Variants in CRAT observed in about 807,000 individuals in gnomAD.
CRAT encodes carnitine O-acetyltransferase.
Under a neutral mutation model 73.7 loss-of-function variants are expected in CRAT, and 66 were observed. The observed-to-expected ratio is 0.90, with a 90% CI of 0.73 to 1.10. The LOEUF (loss-of-function observed/expected upper bound fraction) is 1.10. CRAT is among the 50% of genes least tolerant of loss of function. CRAT has a pLI of 0.00. For missense variants in CRAT, 745 were observed against 846.9 expected, an observed-to-expected ratio of 0.88 and a Z score of 1.49; for synonymous variants, 321 against 343.2, an observed-to-expected ratio of 0.94 and a Z score of 0.71.
chr9:129,105,585 G>C (rs968866812), intron 2 of CRAT, among the ~76,000 whole-genome samples: 1 of 152,146 alleles, frequency 6.6e-6, no homozygotes, highest in African/African-American at 2.4e-5. Flanking sequence ...GCTTCCCAAA[G>C]TGCTGGGATT....
chr9:129,109,391 T>C (rs1848236428), intron 1 of CRAT: 1 of 766,252 alleles, frequency 1.3e-6, no homozygotes. Flanking sequence ...GGGACCCATC[T>C]GAGCCATCCC....
At chr9:129,108,731 G>C (rs1848175729) in intron 1 of CRAT, 2 of 1,303,824 alleles carry the variant, frequency 1.5e-6, no homozygotes, top group African/African-American at 1.5e-5. Flanking sequence ...TCTTGCAGTG[G>C]GCAGGCGAGT....
intron 11 of CRAT, chr9:129,097,707 T>TAA (rs11397782): frequency 0.02 from 6,074 of 309,988 alleles, 1 homozygote; most frequent in South Asian, 0.031. Context: ...AGACTCTTTC[T>TAA]AAAAAAAAAC....
At chr9:129,096,985 T>C (rs1327198474) in intron 12 of CRAT, among the ~76,000 whole-genome samples, 2 of 151,780 alleles carry the variant, frequency 1.3e-5, no homozygotes, top group African/African-American at 2.4e-5. Flanking sequence ...GGAGAATTGC[T>C]TGAACCTGGG....
At chr9:129,101,149 TGA>T (rs1847648751) in intron 6 of CRAT, among the ~76,000 whole-genome samples, 1 of 152,190 alleles carries the variant, frequency 6.6e-6, no homozygotes, top group Admixed American at 6.5e-5. Context: ...GCTATTTAGC[TGA>T]GAGAAACTAC....
chr9:129,096,209 G>T, intron 12 of CRAT, 74 bp from the exon 13 acceptor site: 1 of 1,584,034 alleles, frequency 6.3e-7, no homozygotes, highest in Admixed American at 1.7e-5. Context: ...TCAGCCTGTG[G>T]CAGCGCCACC....
rs780305634 is a variant in CRAT at position 129,102,071 on chromosome 9, G to A, written c.631-14C>T. On this transcript the variant is annotated splice_polypyrimidine_tract_variant and intron_variant, in intron 5 of 13. Transcript: ENST00000318080. ...CAGCTCAAAAAACTGTTGGGGCACA[G>A]GCAGGTAAGAGGAGGGAGCTGAGTG... is the stretch of plus-strand genomic sequence containing the variant. 6.2e-7 allele frequency: 1 copy of A among 1,612,622 alleles called. No individual in the cohort carries two copies. Among genetic ancestry groups the A allele is most frequent in the South Asian group, 1.1e-5 (1 of 90,900 alleles).
At chr9:129,097,376 G>T in intron 11 of CRAT, 64 bp from the exon 12 acceptor site, 1 of 1,293,230 alleles carries the variant, frequency 7.7e-7, no homozygotes, top group Non-Finnish European at 1.1e-6. Context: ...CACCTCAGTA[G>T]CCCACCCCCA....
At position 129,102,447 on chromosome 9, in the gene CRAT, T is replaced by C. The variant is rs1398438963; in HGVS notation, c.583A>G (p.Lys195Glu). Reference sequence around the variant, plus strand: ...ATGTGCGTGGGAGGCTTCTTGGTCTTGCTGAAGTTGCTGACTGTGTCCTGC... The same window carrying C: ...ATGTGCGTGGGAGGCTTCTTGGTCTCGCTGAAGTTGCTGACTGTGTCCTGC... ...PKQDTVSNFS[K>E]TKKPPTHITV... The change falls in exon 5 of 14, where the codon AAG becomes GAG. Residue 195 changes from lysine (K) to glutamate (E), a missense_variant. Physicochemically the swap from Lys to Glu is moderately conservative, Grantham distance 56. Coordinates refer to ENST00000318080, the MANE Select transcript of CRAT (RefSeq NM_000755.5). 1 of 1,614,154 alleles carries C rather than the reference T, an allele frequency of 6.2e-7. No individual in the cohort carries two copies. Among genetic ancestry groups the C allele is most frequent in the Non-Finnish European group, 8.5e-7 (1 of 1,180,010 alleles).
At chr9:129,102,292 A>G (rs1446737785) in intron 5 of CRAT, 108 bp downstream of exon 5, 3 of 1,467,232 alleles carry the variant, frequency 2.0e-6, no homozygotes, top group African/African-American at 1.4e-5. Context: ...TTCCTGGGGC[A>G]CGTGGGCACG....
chr9:129,105,398 G>A (rs977945868), intron 2 of CRAT, among the ~76,000 whole-genome samples: 9 of 152,028 alleles, frequency 5.9e-5, no homozygotes, highest in African/African-American at 1.9e-4. Context: ...TCAGCTCACT[G>A]CAACCTCCAC....
In CRAT at chr9:129,110,755, G is replaced by A. The variant is rs1848392357; in HGVS notation, c.-246C>T. 3.5e-6 allele frequency: 2 copies of A among 570,342 alleles called. No individual in the cohort carries two copies. Among genetic ancestry groups the A allele is most frequent in the Non-Finnish European group, 5.8e-6 (2 of 344,422 alleles). 35.3% of individuals were successfully genotyped at this position (570,342 alleles called of 1,614,324 possible). A position where few individuals can be genotyped will look rare whatever the true frequency, so the allele number is the denominator to read the frequency against. On this transcript the variant is annotated 5_prime_UTR_variant, in exon 1 of 14. Transcript: ENST00000318080. This position sits in a 1 kb window ranked among gnomAD's most constrained non-coding sequence, Gnocchi z 5.3. The stretch of plus-strand genomic sequence containing the variant: ...CCTGGGCCGGTAGCGGGCCCCGGGC[G>A]GGCAACGGTGCCCGGGAGGTTGGCT...
Position 129,102,580 on chromosome 9 carries a change from G to C in CRAT, c.465-15C>G. On this transcript the variant is annotated splice_polypyrimidine_tract_variant and intron_variant, in intron 4 of 13. Transcript: ENST00000318080. ...GCAGGGTCTCGCTATGGGGTAGAGGGGCAGTGAGGCCACCACTGGGCAAGT... is the reference window on the plus strand; with the variant it reads ...GCAGGGTCTCGCTATGGGGTAGAGGCGCAGTGAGGCCACCACTGGGCAAGT... 1 of 1,613,318 alleles carries C rather than the reference G, an allele frequency of 6.2e-7. No homozygotes were observed. Among genetic ancestry groups the C allele is most frequent in the Admixed American group, 1.7e-5 (1 of 60,000 alleles).
At chr9:129,098,809 C>CT (rs1564159679) in intron 8 of CRAT, among the ~76,000 whole-genome samples, 159 bp from the exon 9 acceptor site, 1 of 70,932 alleles carries the variant, frequency 1.4e-5, no homozygotes, top group African/African-American at 6.0e-5. Flanking sequence ...GCTTTTTTTT[C>CT]TTTTTTCTTT....
In CRAT at chr9:129,102,394, A is replaced by G. The variant is rs763129846; in HGVS notation, c.630+6T>C. 1 of 1,613,986 alleles carries G rather than the reference A, an allele frequency of 6.2e-7. No individual in the cohort carries two copies. Among genetic ancestry groups the G allele is most frequent in the Non-Finnish European group, 8.5e-7 (1 of 1,179,934 alleles). The stretch of plus-strand genomic sequence containing the variant: ...GGGCTTGTAGGTGTGGGTGGGGGCC[A>G]CCCACCTGGTAGTTGTGTACCACGG... On this transcript the variant is annotated splice_donor_region_variant and intron_variant, in intron 5 of 13. Transcript: ENST00000318080.
rs748953331 is a variant in CRAT, at chr9:129,102,553, G to A, written c.477C>T (p.Pro159=). 5.6e-6 allele frequency: 9 copies of A among 1,613,916 alleles called. No individual in the cohort carries two copies. Among genetic ancestry groups the A allele is most frequent in the South Asian group, 2.2e-5 (2 of 91,084 alleles). Residue 159 remains proline, a synonymous_variant, in exon 5 of 14, where the codon CCC becomes CCT. Coordinates refer to ENST00000318080, the MANE Select transcript of CRAT (RefSeq NM_000755.5). ...FKVMIDNETL[P]VEYLGGKPLC... ...GTGGCTTCCCCCCCAGGTACTCCAC[G>A]GGCAGGGTCTCGCTATGGGGTAGAG...
Position 129,108,009 on chromosome 9 carries a change from C to T in CRAT, c.96G>A (p.Gln32=). The change falls in exon 2 of 14, where the codon CAG becomes CAA. Residue 32 remains glutamine (Q), a synonymous_variant. Transcript: ENST00000318080. ...MKASSRFKAH[Q]DALPRLPVPP... ...GCACGGGCAGCCGTGGCAGTGCATC[C>T]TGGTGTGCCTTGAAGCGGCTGGAAG... The T allele has an allele frequency of 6.3e-7, 1 of 1,584,096 alleles. No individual in the cohort carries two copies.
In CRAT at chr9:129,107,617, C is replaced by T. The variant is rs533701518; in HGVS notation, c.291+197G>A. The T allele has an allele frequency of 1.6e-4, 127 of 771,252 alleles. 3 individuals are homozygous for T. The highest frequency in any genetic ancestry group is 5.8e-4 in the South Asian group (40 of 68,522). The allele number at this position is 771,252 out of a possible 1,614,324, so 47.8% of individuals were successfully genotyped here. A position where few individuals can be genotyped will look rare whatever the true frequency, so the allele number is the denominator to read the frequency against. On this transcript the variant is annotated intron_variant, in intron 2 of 13. Transcript: ENST00000318080. The surrounding 1 kb of genome is among the most constrained non-coding windows in gnomAD (Gnocchi z 5.0). ...ATCCTGTTCATTACCTTTCTCTCCT[C>T]CCTACTTGAATGTTAGCTCCAAGGA...
In CRAT at chr9:129,096,045, C is replaced by T. The variant is rs1847262232; in HGVS notation, c.1618G>A (p.Asp540Asn). 1.2e-6 allele frequency: 2 copies of T among 1,614,046 alleles called. No homozygotes were observed. Among genetic ancestry groups the T allele is most frequent in the Non-Finnish European group, 1.7e-6 (2 of 1,180,022 alleles). ...DLVSMPDIFM[D>N]TSYAIAMHFH... ...TGCATGGCGATGGCGTAGGAGGTGT[C>T]CATGAAGATGTCGGGCATGCTCACC... Residue 540 changes from aspartate (D) to asparagine (N), a missense_variant, in exon 13 of 14, where the codon GAC becomes AAC. Transcript: ENST00000318080.
Sources: gnomAD v4.1 joint callset for allele counts (sites outside exome capture counted in the v4.1 genomes callset) on GRCh38, gnomAD v4.1.1 for gene constraint, Gnocchi (gnomAD v3.1) non-coding constraint, MANE v1.5 for transcripts, NCBI Gene and HGNC (gene_info 2026-07-23, HGNC 2026-07-21) for gene names.